Variants in TRMU observed in about 807,000 individuals in gnomAD.
TRMU encodes the protein mitochondrial tRNA-specific 2-thiouridylase 1.
Under a neutral mutation model 46.9 loss-of-function variants are expected in TRMU, and 49 were observed. That is an observed-to-expected ratio of 1.05 (90% CI 0.83 to 1.33). The LOEUF (loss-of-function observed/expected upper bound fraction) is 1.33, where lower values mean the gene tolerates loss of function less well. Ranked by LOEUF, TRMU falls within the 40% of genes most tolerant of loss-of-function variation. The pLI is 0.00. For synonymous variants in TRMU, 241 were observed against 200.9 expected (o/e 1.20, Z -1.69); for missense variants, 572 against 532.4 (o/e 1.07, Z -0.73).
chr22:46,337,741 A>G, intron 1 of TRMU, 38 bp from the exon 2 acceptor site: 11 of 1,613,562 alleles, frequency 6.8e-6, no homozygotes, highest in Non-Finnish European at 9.3e-6. Context: ...CCGAAGGTTG[A>G]TTTATGTATT....
Position 46,337,806 on chromosome 22 carries a change from A to G in TRMU, c.110A>G (p.Lys37Arg). The G allele has an allele frequency of 6.2e-7, 1 of 1,614,254 alleles. No homozygotes were observed. The highest frequency in any genetic ancestry group is 8.5e-7 in the Non-Finnish European group (1 of 1,180,044). Residue 37 changes from lysine (K) to arginine (R), a missense_variant, in exon 2 of 11, where the codon AAG becomes AGG. Coordinates refer to ENST00000645190, the MANE Select transcript of TRMU (RefSeq NM_018006.5). Reference protein sequence around the residue: ...RGYQVTGVFMKNWDSLDEHGV... With the variant: ...RGYQVTGVFMRNWDSLDEHGV... ...TACCAGGTGACAGGGGTGTTTATGA[A>G]GAACTGGGACTCACTGGATGAACAT...
intron 7 of TRMU, 132 bp downstream of exon 7, chr22:46,352,462 G>T: frequency 8.9e-7 from 1 of 1,119,444 alleles, no homozygotes; most frequent in South Asian, 1.2e-5. Flanking sequence ...CTGTGGGGCG[G>T]CCGGGGGCGG....
At position 46,353,856 on chromosome 22, in the gene TRMU, G is replaced by A. The variant is rs866082816; in HGVS notation, c.862G>A (p.Asp288Asn). 2.5e-6 allele frequency: 4 copies of A among 1,613,746 alleles called. No individual in the cohort carries two copies. Among genetic ancestry groups the A allele is most frequent in the Non-Finnish European group, 3.4e-6 (4 of 1,179,788 alleles). ...YVVEKDSVKG[D>N]VFVAPRTDHP... The stretch of plus-strand genomic sequence containing the variant: ...GGTGGAGAAGGACAGCGTCAAGGGT[G>A]ACGTGTTTGTGGTGAGTGGGCCGGC... Residue 288 changes from aspartate to asparagine, a missense_variant, in exon 8 of 11, where the codon GAC (aspartate) becomes AAC (asparagine). Coordinates refer to ENST00000645190, the MANE Select transcript of TRMU (RefSeq NM_018006.5).
chr22:46,353,446 G>A (rs1201975712), intron 7 of TRMU: 1 of 365,544 alleles, frequency 2.7e-6, no homozygotes, highest in East Asian at 6.5e-5. Flanking sequence ...AAGGGCCCCT[G>A]GCGTCACACA....
At position 46,339,024 on chromosome 22, in the gene TRMU, C is replaced by T. The variant is rs2078052850; in HGVS notation, c.248+1080C>T. ...AGAAGAGATACTTGACTTTTCTAAGCCCCAATTTTCTCATCTTTAAAATGA... is the reference window on the plus strand; with the variant it reads ...AGAAGAGATACTTGACTTTTCTAAGTCCCAATTTTCTCATCTTTAAAATGA... On this transcript the variant is annotated intron_variant, in intron 2 of 10. Transcript: ENST00000645190. The surrounding 1 kb of genome is among the most constrained non-coding windows in gnomAD (Gnocchi z 4.8). 6.6e-6 allele frequency among the ~76,000 whole-genome samples: 1 copy of T among 152,128 alleles called. No individual in the cohort carries two copies. The highest frequency in any genetic ancestry group is 2.1e-4 in the South Asian group (1 of 4,820).
chr22:46,337,028 T>G (rs1040998475), intron 1 of TRMU, among the ~76,000 whole-genome samples: 7 of 152,314 alleles, frequency 4.6e-5, no homozygotes, highest in South Asian at 2.1e-4. Context: ...GGCTTTAGAC[T>G]GTTAGGTAGA....
In TRMU at chr22:46,357,077, T is replaced by A. The variant is rs558877592; in HGVS notation, c.*71T>A. ...CTGGGCGGCTGGTGAGCAGTCCAGG[T>A]GCCCAAGGGCCAGCTTGCTGCTGCC... On this transcript the variant is annotated 3_prime_UTR_variant, in exon 11 of 11. Coordinates refer to ENST00000645190, the MANE Select transcript of TRMU (RefSeq NM_018006.5). 1.2e-5 allele frequency: 19 copies of A among 1,596,672 alleles called. No homozygotes were observed. The South Asian group carries it at 1.9e-4, about 16-fold the overall frequency.
rs1355241916 is a variant in TRMU at position 46,350,247 on chromosome 22, T to C, written c.479-44T>C. 1 of 1,612,424 alleles carries C rather than the reference T, an allele frequency of 6.2e-7. No individual in the cohort carries two copies. The highest frequency in any genetic ancestry group is 2.2e-5 in the East Asian group (1 of 44,864). On this transcript the variant is annotated intron_variant, in intron 4 of 10. Coordinates refer to ENST00000645190, the MANE Select transcript of TRMU (RefSeq NM_018006.5). This position sits in a 1 kb window ranked among gnomAD's most constrained non-coding sequence, Gnocchi z 4.6. ...GGACATTGTTGAAAGTGAAGTATCA[T>C]TATTTTTATTCCTGCATCGTCTTTT...
Position 46,351,992 on chromosome 22 carries a change from C to T in TRMU, c.652-129C>T, listed in dbSNP as rs570257976. ...GCGGCCGAGGGTGCCGGTGGGCAGCCGGGCCCCTACCCTGGAAGCAAAGTG... is the reference window on the plus strand; with the variant it reads ...GCGGCCGAGGGTGCCGGTGGGCAGCTGGGCCCCTACCCTGGAAGCAAAGTG... On this transcript the variant is annotated intron_variant, in intron 5 of 10. Coordinates refer to ENST00000645190, the MANE Select transcript of TRMU (RefSeq NM_018006.5). The surrounding 1 kb of genome is among the most constrained non-coding windows in gnomAD (Gnocchi z 6.4). 27 of 1,045,252 alleles carry T rather than the reference C, an allele frequency of 2.6e-5. No individual in the cohort carries two copies. Among genetic ancestry groups the T allele is most frequent in the Admixed American group, 1.0e-4 (6 of 59,168 alleles). The allele number at this position is 1,045,252 out of a possible 1,614,324, so 64.7% of individuals were successfully genotyped here.
chr22:46,356,675 C>G (rs2078619315), intron 10 of TRMU, 167 bp from the exon 11 acceptor site: 3 of 808,820 alleles, frequency 3.7e-6, no homozygotes, highest in African/African-American at 1.8e-5. Context: ...CCCCAGGCCT[C>G]TCCTCTCCTG....
Position 46,355,431 on chromosome 22 carries a change from T to C in TRMU, c.874-13T>C. 2.5e-6 allele frequency: 4 copies of C among 1,612,542 alleles called. No homozygotes were observed. The highest frequency in any genetic ancestry group is 3.4e-6 in the Non-Finnish European group (4 of 1,179,742). On this transcript the variant is annotated splice_polypyrimidine_tract_variant and intron_variant, in intron 8 of 10. Transcript: ENST00000645190. The stretch of plus-strand genomic sequence containing the variant: ...GCCCCTCGGCGTCCCCACCTTCACA[T>C]TCCATTCTGCAGGCCCCCCGGACAG...
rs547315753 is a variant in TRMU at position 46,349,277 on chromosome 22, C to CTCCA, written c.479-1013_479-1010dup. Among the ~76,000 whole-genome samples the CTCCA allele has an allele frequency of 1.8e-4, 28 of 152,340 alleles. No homozygotes were observed. The South Asian group carries it at 5.6e-3, about 30-fold the overall frequency. On this transcript the variant is annotated intron_variant, in intron 4 of 10. Transcript: ENST00000645190. The surrounding 1 kb of genome is among the most constrained non-coding windows in gnomAD (Gnocchi z 4.6). The stretch of plus-strand genomic sequence containing the variant: ...AGGGGGACTCGGGAGGCTGGGCAGC[C>CTCCA]TCCAGCCCCACCGCCTCCACCTGCA...
chr22:46,352,632 T>C (rs570945329), intron 7 of TRMU: 1 of 483,128 alleles, frequency 2.1e-6, no homozygotes, highest in East Asian at 3.9e-5. Context: ...AATGATTTCC[T>C]TCCTGTGTAA....
chr22:46,355,563 C>G lies in TRMU; in HGVS notation c.993C>G (p.Phe331Leu), dbSNP rs774830090. The G allele has an allele frequency of 6.2e-6, 10 of 1,613,234 alleles. No homozygotes were observed. In the East Asian group the frequency reaches 1.1e-4, roughly 18 times the overall value. Residue 331 changes from phenylalanine to leucine, a missense_variant, in exon 9 of 11, where the codon TTC (phenylalanine) becomes TTG (leucine). Phe to Leu is a conservative substitution (Grantham distance 22, BLOSUM62 0). Transcript: ENST00000645190. ...GGGACAAGATGATGGAGTGCCACTT[C>G]CGATTCCGCCACCAGATGGCACTAG... ...LVRDKMMECH[F>L]RFRHQMALVP...
In TRMU at chr22:46,347,354, T is replaced by C. The variant is rs1306099294; in HGVS notation, c.478+810T>C. 2 of 151,990 alleles carry C rather than the reference T, an allele frequency of 1.3e-5. No individual in the cohort carries two copies. The highest frequency in any genetic ancestry group is 1.3e-4 in the Admixed American group (2 of 15,254). 9.4% of individuals were successfully genotyped at this position (151,990 alleles called of 1,614,324 possible). ...CACATTTCTTTTTTAATTATTATTATTAATTTTATTTTTTTGAGAGAGGAT... is the reference window on the plus strand; with the variant it reads ...CACATTTCTTTTTTAATTATTATTACTAATTTTATTTTTTTGAGAGAGGAT... On this transcript the variant is annotated intron_variant, in intron 4 of 10. Coordinates refer to ENST00000645190, the MANE Select transcript of TRMU (RefSeq NM_018006.5). This position sits in a 1 kb window ranked among gnomAD's most constrained non-coding sequence, Gnocchi z 5.0.
In TRMU at chr22:46,351,398, C is replaced by T. The variant is rs1159557127; in HGVS notation, c.652-723C>T. ...GGGCCTTGGGGATGGAGGGCGAGGGCGCTGTGGGATGAGCCTCACCTCTTC... is the reference window on the plus strand; with the variant it reads ...GGGCCTTGGGGATGGAGGGCGAGGGTGCTGTGGGATGAGCCTCACCTCTTC... On this transcript the variant is annotated intron_variant, in intron 5 of 10. Coordinates refer to ENST00000645190, the MANE Select transcript of TRMU (RefSeq NM_018006.5). The surrounding 1 kb of genome is among the most constrained non-coding windows in gnomAD (Gnocchi z 6.4). Among the ~76,000 whole-genome samples, 4 of 152,110 alleles carry T rather than the reference C, an allele frequency of 2.6e-5. No homozygotes were observed. Among genetic ancestry groups the T allele is most frequent in the East Asian group, 1.9e-4 (1 of 5,190 alleles).
Position 46,352,114 on chromosome 22 carries a change from A to G in TRMU, c.652-7A>G, listed in dbSNP as rs1414915202. The G allele has an allele frequency of 1.2e-6, 2 of 1,612,818 alleles. No homozygotes were observed. The highest frequency in any genetic ancestry group is 2.2e-5 in the East Asian group (1 of 44,878). On this transcript the variant is annotated splice_region_variant and splice_polypyrimidine_tract_variant and intron_variant, in intron 5 of 10. Coordinates refer to ENST00000645190, the MANE Select transcript of TRMU (RefSeq NM_018006.5). ...CTCCTCTCACGGCTGCCGTCTTCTC[A>G]TTTCAGAGCATGGGCATGTGTTTCA...
chr22:46,354,074 G>A (rs2078520815), intron 8 of TRMU: 1 of 541,072 alleles, frequency 1.8e-6, no homozygotes, highest in African/African-American at 1.9e-5. Context: ...TGAGTTGTAT[G>A]CTGGTCTCTT....
At chr22:46,352,055 C>A in intron 5 of TRMU, 66 bp from the exon 6 acceptor site, 1 of 1,575,904 alleles carries the variant, frequency 6.3e-7, no homozygotes, top group Non-Finnish European at 8.7e-7. Flanking sequence ...CCGCTCAGGA[C>A]GTCTGGGTAC....
Sources: gnomAD v4.1 joint callset for allele counts (sites outside exome capture counted in the v4.1 genomes callset) on GRCh38, gnomAD v4.1.1 for gene constraint, Gnocchi (gnomAD v3.1) non-coding constraint, MANE v1.5 for transcripts, NCBI Gene and HGNC (gene_info 2026-07-23, HGNC 2026-07-21) for gene names.